P2RY14: variants seen among roughly 807,000 people sequenced by gnomAD.
P2RY14 encodes the protein purinergic receptor P2Y14.
Under a neutral mutation model 0.9 loss-of-function variants are expected in P2RY14, and 2 were observed. That is an observed-to-expected ratio of 2.16 (90% CI 0.88 to 6.79). The LOEUF is 6.79. P2RY14 is among the 30% of genes most tolerant of loss of function. The probability of loss-of-function intolerance (pLI) is 0.05; values close to 1 mark genes in which losing one functional copy is unlikely to be tolerated. For missense variants in P2RY14, 378 were observed against 400.1 expected (o/e 0.94, Z 0.47); for synonymous variants, 158 against 147.2 (o/e 1.07, Z -0.53).
intron 1 of P2RY14, among the ~76,000 whole-genome samples, chr3:151,219,960 T>G (rs1422590681): frequency 6.8e-6 from 1 of 146,528 alleles, no homozygotes; most frequent in Non-Finnish European, 1.5e-5. Flanking sequence ...ACAATTCATC[T>G]TAGCCATGAA....
intron 1 of P2RY14, among the ~76,000 whole-genome samples, chr3:151,238,548 G>T (rs911290750): frequency 6.6e-6 from 1 of 152,164 alleles, no homozygotes; most frequent in African/African-American, 2.4e-5. Flanking sequence ...AGAGTACTAA[G>T]ATGTTGCTAT....
intron 1 of P2RY14, among the ~76,000 whole-genome samples, chr3:151,266,053 G>T (rs911090716): frequency 2.6e-5 from 4 of 152,154 alleles, no homozygotes; most frequent in Non-Finnish European, 5.9e-5. Flanking sequence ...ATTCGACTTG[G>T]CAGTGTGCAC....
chr3:151,214,630 C>CT (rs147953409), intron 2 of P2RY14, among the ~76,000 whole-genome samples: 6,242 of 149,324 alleles, frequency 0.042, 410 homozygotes, highest in African/African-American at 0.14. Flanking sequence ...TTCCTTCTTC[C>CT]TTTTTTTTGG....
chr3:151,276,250 A>C (rs1559971041), intron 1 of P2RY14, among the ~76,000 whole-genome samples: 1 of 152,240 alleles, frequency 6.6e-6, no homozygotes, highest in Non-Finnish European at 1.5e-5. Context: ...GTTTGGGGTC[A>C]ATAATTTGCA....
chr3:151,259,239 G>C (rs1738414673), intron 1 of P2RY14, among the ~76,000 whole-genome samples: 1 of 152,172 alleles, frequency 6.6e-6, no homozygotes, highest in Admixed American at 6.5e-5. Context: ...GTTTCTGTGA[G>C]GTGCTATCAA....
intron 2 of P2RY14, among the ~76,000 whole-genome samples, chr3:151,217,436 T>C (rs1453878728): frequency 2.0e-5 from 3 of 152,200 alleles, no homozygotes; most frequent in African/African-American, 7.2e-5. Flanking sequence ...CCTTCACTGC[T>C]CCCACCACTT....
chr3:151,268,833 C>A (rs1323010341), intron 1 of P2RY14, among the ~76,000 whole-genome samples: 2 of 152,120 alleles, frequency 1.3e-5, no homozygotes, highest in Non-Finnish European at 2.9e-5. Flanking sequence ...AAACTAAGAC[C>A]ACAAAGCTTC....
At chr3:151,255,417 G>A (rs984863501) in intron 1 of P2RY14, among the ~76,000 whole-genome samples, 2 of 151,906 alleles carry the variant, frequency 1.3e-5, no homozygotes, top group African/African-American at 4.8e-5. Context: ...GAAAGTCCAC[G>A]GCAGTTAAAT....
chr3:151,223,664 C>G (rs887472362), intron 1 of P2RY14, among the ~76,000 whole-genome samples: 1 of 152,134 alleles, frequency 6.6e-6, no homozygotes, highest in African/African-American at 2.4e-5. Context: ...AAGATGGGAA[C>G]AGTAGACACT....
At position 151,213,728 on chromosome 3, in the gene P2RY14, T is replaced by G; in HGVS notation, c.589A>C (p.Ile197Leu). The change falls in exon 3 of 3, where the codon ATT (isoleucine) becomes CTT (leucine). Residue 197 changes from isoleucine to leucine, a missense_variant. Transcript: ENST00000309170. ...SNYIFVAIFW[I>L]VFLLLIVFYT... is the part of the protein sequence containing the mutation. ...AAAACGATTAACAAAAGAAACACAA[T>G]CCAGAAGATGGCCACGAAGATGTAG... 1 of 1,614,164 alleles carries G rather than the reference T, an allele frequency of 6.2e-7. No homozygotes were observed. The highest frequency in any genetic ancestry group is 8.5e-7 in the Non-Finnish European group (1 of 1,180,008).
chr3:151,271,773 G>A (rs1158042956), intron 1 of P2RY14, among the ~76,000 whole-genome samples: 2 of 152,124 alleles, frequency 1.3e-5, no homozygotes, highest in Non-Finnish European at 2.9e-5. Context: ...AGACACAAAC[G>A]ACTATGTACC....
chr3:151,230,713 A>G (rs1358237597), intron 1 of P2RY14, among the ~76,000 whole-genome samples: 2 of 152,132 alleles, frequency 1.3e-5, no homozygotes, highest in African/African-American at 2.4e-5. Context: ...CAAAGTCCTT[A>G]ATAAAAAAAA....
At chr3:151,225,314 C>A (rs371051908) in intron 1 of P2RY14, among the ~76,000 whole-genome samples, 1 of 152,126 alleles carries the variant, frequency 6.6e-6, no homozygotes, top group Non-Finnish European at 1.5e-5. Flanking sequence ...AACAATACTA[C>A]GTATTGAGTC....
intron 1 of P2RY14, among the ~76,000 whole-genome samples, chr3:151,277,099 A>G (rs535037823): frequency 2.1e-3 from 320 of 151,694 alleles, no homozygotes; most frequent in Middle Eastern, 3.4e-3. Context: ...GGGTTTTACC[A>G]CGTTGGCCAG....
At chr3:151,242,667 A>G (rs28888534) in intron 1 of P2RY14, among the ~76,000 whole-genome samples, 45,999 of 152,134 alleles carry the variant, frequency 0.3, 7,078 homozygotes, top group Non-Finnish European at 0.32. Context: ...AAGATGGGGA[A>G]AAAACAGAAC....
intron 1 of P2RY14, among the ~76,000 whole-genome samples, chr3:151,266,936 G>A (rs1739946788): frequency 1.3e-5 from 2 of 152,166 alleles, no homozygotes; most frequent in South Asian, 4.1e-4. Flanking sequence ...AATCCATTCT[G>A]TCCTGGAGTG....
At chr3:151,262,294 G>A (rs1405574779) in intron 1 of P2RY14, among the ~76,000 whole-genome samples, 2 of 152,220 alleles carry the variant, frequency 1.3e-5, no homozygotes, top group Non-Finnish European at 2.9e-5. Flanking sequence ...GTTTGGATTT[G>A]AGAATTTGAT....
chr3:151,251,539 G>C (rs929394330), intron 1 of P2RY14, among the ~76,000 whole-genome samples: 1 of 152,138 alleles, frequency 6.6e-6, no homozygotes. Context: ...AAGCAGCACT[G>C]TGTCCCTTTT....
rs557449342 is a variant in P2RY14 at position 151,249,624 on chromosome 3, T to C, written c.-133+28663A>G. Among the ~76,000 whole-genome samples the C allele has an allele frequency of 8.7e-4, 133 of 152,306 alleles. 2 individuals are homozygous for C. The highest frequency in any genetic ancestry group is 3.4e-3 in the Middle Eastern group (1 of 294). ...GGACTTGATGCATGCCAGTACCTCT[T>C]CTACTCCATCTGTTATCCTGACACA... On this transcript the variant is annotated intron_variant, in intron 1 of 2. Coordinates refer to ENST00000309170, the MANE Select transcript of P2RY14 (RefSeq NM_014879.4).
Sources: allele counts gnomAD v4.1 joint callset (sites outside exome capture counted in the v4.1 genomes callset), GRCh38; gene constraint gnomAD v4.1.1; transcripts MANE v1.5; gene names NCBI Gene and HGNC (gene_info 2026-07-23, HGNC 2026-07-21).